The following PPP1R12C variants were observed in gnomAD, a reference collection of about 807,000 sequenced individuals.
The protein encoded by PPP1R12C is protein phosphatase 1 regulatory subunit 12C, also known as leukocyte receptor cluster (LRC) encoded novel gene 3.
In PPP1R12C, 48 loss-of-function variants were observed where a neutral mutation model predicts 95.6. The observed-to-expected ratio is 0.50, with a 90% confidence interval of 0.40 to 0.64. The LOEUF (loss-of-function observed/expected upper bound fraction) is 0.64, where lower values mean the gene tolerates loss of function less well. Among genes scored for constraint, PPP1R12C ranks in the 30% least tolerant of loss-of-function variants. The probability of loss-of-function intolerance (pLI) is 0.00; values close to 1 mark genes in which losing one functional copy is unlikely to be tolerated. For missense variants in PPP1R12C, 1,057 were observed against 1,083.3 expected (o/e 0.98, Z 0.34); for synonymous variants, 480 against 460.8 (o/e 1.04, Z -0.53).
intron 3 of PPP1R12C, among the ~76,000 whole-genome samples, chr19:55,108,308 G>T (rs1419325155): frequency 1.3e-5 from 2 of 151,822 alleles, no homozygotes; most frequent in African/African-American, 4.8e-5. Flanking sequence ...CCAATCTCCA[G>T]AATTTTTTCA....
Position 55,117,605 on chromosome 19 carries a change from C to T in PPP1R12C, c.-62G>A. ...GAGCCCCAACCGCCGCCACCACCCGCCCGCCCGCCCGCCCCGGGGGCCGCC... is the reference window on the plus strand; with the variant it reads ...GAGCCCCAACCGCCGCCACCACCCGTCCGCCCGCCCGCCCCGGGGGCCGCC... On this transcript the variant is annotated 5_prime_UTR_variant, in exon 1 of 22. Transcript: ENST00000263433. 2 of 915,994 alleles carry T rather than the reference C, an allele frequency of 2.2e-6. No individual in the cohort carries two copies. Among genetic ancestry groups the T allele is most frequent in the Non-Finnish European group, 2.6e-6 (2 of 779,554 alleles). The allele number at this position is 915,994 out of a possible 1,614,324, so 56.7% of individuals were successfully genotyped here.
chr19:55,117,280 C>G lies in PPP1R12C; in HGVS notation c.264G>C (p.Pro88=), dbSNP rs1000966341. The change falls in exon 1 of 22, where the codon CCG becomes CCC. Residue 88 remains proline (P), a synonymous_variant. Coordinates refer to ENST00000263433, the MANE Select transcript of PPP1R12C (RefSeq NM_017607.4). Reference sequence around the variant, plus strand: ...TGGAGTCCAGCACGGCGCGGGCGGGCGGCGGCGCGGCGGGGTCGAGCTCGG... The same window carrying G: ...TGGAGTCCAGCACGGCGCGGGCGGGGGGCGGCGCGGCGGGGTCGAGCTCGG... ...PGAELDPAAP[P]PARAVLDSTN... is the part of the protein sequence containing the mutation. 2 of 1,220,050 alleles carry G rather than the reference C, an allele frequency of 1.6e-6. No homozygotes were observed. Among genetic ancestry groups the G allele is most frequent in the Non-Finnish European group, 2.0e-6 (2 of 981,788 alleles). 75.6% of individuals were successfully genotyped at this position (1,220,050 alleles called of 1,614,324 possible). A position where few individuals can be genotyped will look rare whatever the true frequency, so the allele number is the denominator to read the frequency against.
Position 55,094,381 on chromosome 19 carries a change from G to A in PPP1R12C, c.1647C>T (p.Arg549=), listed in dbSNP as rs1429112859. The stretch of plus-strand genomic sequence containing the variant: ...TCCGAGACTGGCGCATGAGACGGGA[G>A]CGAGCTTTTCTCTGGGATTCCGACT... ...DEESESQRKA[R]SRLMRQSRRS... Residue 549 remains arginine (R), a synonymous_variant, in exon 13 of 22, where the codon CGC becomes CGT. Coordinates refer to ENST00000263433, the MANE Select transcript of PPP1R12C (RefSeq NM_017607.4). 4 of 1,613,434 alleles carry A rather than the reference G, an allele frequency of 2.5e-6. No individual in the cohort carries two copies. In the South Asian group the frequency reaches 3.3e-5, roughly 13 times the overall value.
chr19:55,104,199 T>TATATATATATATATATATACACACAC (rs34075382), intron 3 of PPP1R12C, among the ~76,000 whole-genome samples: 52 of 120,026 alleles, frequency 4.3e-4, no homozygotes, highest in African/African-American at 1.8e-3. Context: ...TATATATATA[T>TATATATATATATATATATACACACAC]ACACACACAC....
chr19:55,099,814 G>C (rs957933166), intron 4 of PPP1R12C, among the ~76,000 whole-genome samples: 2 of 152,158 alleles, frequency 1.3e-5, no homozygotes, highest in African/African-American at 4.8e-5. Flanking sequence ...GCAAAGGCAG[G>C]GTTACAAGTC....
chr19:55,091,810 T>A (rs1420787385), intron 20 of PPP1R12C, 49 bp downstream of exon 20: 8 of 1,612,166 alleles, frequency 5.0e-6, no homozygotes, highest in Non-Finnish European at 6.8e-6. Flanking sequence ...AACTTAGGGA[T>A]GTGAGGCTGG....
Position 55,096,142 on chromosome 19 carries a change from A to C in PPP1R12C, c.1062T>G (p.Ile354Met). Reference protein sequence around the residue: ...SVCRLSSREKISLQDLSKERR... With the variant: ...SVCRLSSREKMSLQDLSKERR... The stretch of plus-strand genomic sequence containing the variant: ...GCTCCTTGGACAAGTCCTGGAGGGA[A>C]ATCTTCTCGCGACTGCTCAGACGAC... The change falls in exon 8 of 22, where the codon ATT becomes ATG. Residue 354 changes from isoleucine to methionine, a missense_variant. This residue lies in a region of PPP1R12C where 356 missense variants were observed against 330.5 expected (regional missense o/e 1.08). Transcript: ENST00000263433. 2 of 1,600,042 alleles carry C rather than the reference A, an allele frequency of 1.2e-6. No homozygotes were observed. Among genetic ancestry groups the C allele is most frequent in the South Asian group, 2.2e-5 (2 of 89,844 alleles).
chr19:55,100,153 G>A (rs1052077995), intron 4 of PPP1R12C, among the ~76,000 whole-genome samples: 8 of 151,690 alleles, frequency 5.3e-5, no homozygotes, highest in African/African-American at 1.7e-4. Context: ...CTCACGCTGA[G>A]CCCCTTTTTG....
chr19:55,116,494 T>A (rs2085155289), intron 1 of PPP1R12C, among the ~76,000 whole-genome samples: 1 of 150,594 alleles, frequency 6.6e-6, no homozygotes, highest in South Asian at 2.1e-4. Context: ...GGGCCAGCCG[T>A]AGAGGTGACC....
intron 11 of PPP1R12C, chr19:55,095,051 G>A (rs1452467622): frequency 5.9e-6 from 4 of 677,376 alleles, no homozygotes; most frequent in South Asian, 1.8e-5. Context: ...GGACGGCGCC[G>A]TGGTGGCAGC....
intron 6 of PPP1R12C, among the ~76,000 whole-genome samples, chr19:55,097,723 C>T (rs1257261417): frequency 1.3e-5 from 2 of 152,198 alleles, no homozygotes; most frequent in African/African-American, 4.8e-5. Flanking sequence ...TGGGAGGGCC[C>T]TTCATTCCTG....
chr19:55,098,908 T>C (rs1244446499), intron 5 of PPP1R12C, 43 bp downstream of exon 5: 2 of 1,609,002 alleles, frequency 1.2e-6, no homozygotes, highest in Non-Finnish European at 1.7e-6. Flanking sequence ...TGCTGGGCCC[T>C]CCCCACGCCC....
rs79545077 is a variant in PPP1R12C at position 55,108,912 on chromosome 19, G to A, written c.571+3555C>T. On this transcript the variant is annotated intron_variant, in intron 3 of 21. Transcript: ENST00000263433. ...GTAGAGACAGAGTTTCTCCATGTTGGTCAGGTTGGCCTCAAACTCCCGACC... is the reference window on the plus strand; with the variant it reads ...GTAGAGACAGAGTTTCTCCATGTTGATCAGGTTGGCCTCAAACTCCCGACC... Among the ~76,000 whole-genome samples the A allele has an allele frequency of 3.7e-3, 561 of 152,156 alleles. 8 individuals carry two copies. Among genetic ancestry groups the A allele is most frequent in the African/African-American group, 0.013 (521 of 41,492 alleles).
rs2085073467 is a variant in PPP1R12C at position 55,109,564 on chromosome 19, A to G, written c.571+2903T>C. 6.6e-6 allele frequency among the ~76,000 whole-genome samples: 1 copy of G among 152,250 alleles called. No homozygotes were observed. ...CTGGCTGAGCAGATCACGTGCTCTC[A>G]CTGAACCCCAGACCCAGAGAGAGGA... On this transcript the variant is annotated intron_variant, in intron 3 of 21. Transcript: ENST00000263433. The surrounding 1 kb of genome is among the most constrained non-coding windows in gnomAD (Gnocchi z 4.4).
At chr19:55,095,710 G>T (rs753280886) in intron 9 of PPP1R12C, 107 bp from the exon 10 acceptor site, 2 of 1,511,006 alleles carry the variant, frequency 1.3e-6, no homozygotes, top group Non-Finnish European at 1.8e-6. Context: ...ATCAGCCCCC[G>T]GGGCAGGCAC....
chr19:55,095,584 A>T lies in PPP1R12C; in HGVS notation c.1247T>A (p.Phe416Tyr). ...CTTCAGGAGGCCAAAGCGCCTGGAG[A>T]AGGGGGCCTCTTCAAGCTGCTGGGA... Reference protein sequence around the residue: ...KSPVQLEEAPFSRRFGLLKTG... With the variant: ...KSPVQLEEAPYSRRFGLLKTG... Residue 416 changes from phenylalanine (F) to tyrosine (Y), a missense_variant, in exon 10 of 22, where the codon TTC becomes TAC. Around this residue, in one of 5 missense-constraint regions of PPP1R12C, gnomAD observed 356 missense variants for 330.5 expected, o/e 1.08. Coordinates refer to ENST00000263433, the MANE Select transcript of PPP1R12C (RefSeq NM_017607.4). 1 of 1,572,322 alleles carries T rather than the reference A, an allele frequency of 6.4e-7. No individual in the cohort carries two copies. The highest frequency in any genetic ancestry group is 8.6e-7 in the Non-Finnish European group (1 of 1,163,434).
In PPP1R12C at chr19:55,095,370, G is replaced by C. The variant is rs186221553; in HGVS notation, c.1387-12C>G. On this transcript the variant is annotated splice_polypyrimidine_tract_variant and intron_variant, in intron 10 of 21. Transcript: ENST00000263433. ...CGGAGCTCCTTGGCCTGTGTGGAGA[G>C]GAGAAGGGGAGGAAGGGGCAGTTCC... The C allele has an allele frequency of 1.6e-4, 246 of 1,584,706 alleles. 1 individual carries two copies. Among genetic ancestry groups the C allele is most frequent in the Non-Finnish European group, 2.1e-4 (239 of 1,165,298 alleles).
At chr19:55,095,038 T>G in intron 11 of PPP1R12C, 1 of 675,356 alleles carries the variant, frequency 1.5e-6, no homozygotes, top group Non-Finnish European at 2.5e-6. Context: ...GGTGTGCGTG[T>G]GCGGACGGCG....
chr19:55,112,286 A>T, intron 3 of PPP1R12C, 181 bp downstream of exon 3: 1 of 532,196 alleles, frequency 1.9e-6, no homozygotes, highest in Non-Finnish European at 3.3e-6. Context: ...CTGGGCTCCA[A>T]GCAATCCTGG....
Sources: allele counts gnomAD v4.1 joint callset (sites outside exome capture counted in the v4.1 genomes callset), GRCh38; gene constraint gnomAD v4.1.1; regional missense constraint gnomAD v4.1.1; non-coding constraint Gnocchi (gnomAD v3.1); transcripts MANE v1.5; gene names NCBI Gene and HGNC (gene_info 2026-07-23, HGNC 2026-07-21).